LARP1B: variants seen among roughly 807,000 people sequenced by gnomAD.
LARP1B encodes la-related protein 1B.
A neutral mutation model predicts 114.2 loss-of-function variants in LARP1B; 76 were observed. The ratio of observed to expected loss-of-function variants is 0.67; its 90% CI spans 0.55 to 0.81. The LOEUF is 0.81. Among genes scored for constraint, LARP1B ranks in the 30% least tolerant of loss-of-function variants. LARP1B has a pLI of 0.00. For synonymous variants in LARP1B, 345 were observed against 348.0 expected, an observed-to-expected ratio of 0.99 and a Z score of 0.10; for missense variants, 1,014 against 1,075.8, an observed-to-expected ratio of 0.94 and a Z score of 0.80.
intron 5 of LARP1B, among the ~76,000 whole-genome samples, chr4:128,085,683 C>T (rs936601966): frequency 3.9e-5 from 6 of 152,144 alleles, no homozygotes; most frequent in African/African-American, 1.4e-4. Flanking sequence ...CTCTTTATTG[C>T]CAAATAATAT....
In LARP1B at chr4:128,070,245, G is replaced by A. The variant is rs370607269; in HGVS notation, c.-77-4215G>A. 9.2e-5 allele frequency among the ~76,000 whole-genome samples: 14 copies of A among 152,128 alleles called. No individual in the cohort carries two copies. The East Asian group carries it at 1.9e-3, about 21-fold the overall frequency. On this transcript the variant is annotated intron_variant, in intron 1 of 19. Transcript: ENST00000326639. Reference sequence around the variant, plus strand: ...TGAGGCAGCAGAATGGGGTGAAGCCGGGAGGCGGAGCTTGCAGTGAGCAGA... The same window carrying A: ...TGAGGCAGCAGAATGGGGTGAAGCCAGGAGGCGGAGCTTGCAGTGAGCAGA...
intron 11 of LARP1B, among the ~76,000 whole-genome samples, chr4:128,131,870 A>T (rs1791677479): frequency 6.6e-6 from 1 of 152,208 alleles, no homozygotes; most frequent in African/African-American, 2.4e-5. Context: ...ACCATGTTAT[A>T]CCCAAAAGGA....
chr4:128,205,948 C>CA (rs1190583247), intron 17 of LARP1B, among the ~76,000 whole-genome samples: 4 of 152,098 alleles, frequency 2.6e-5, no homozygotes, highest in Admixed American at 1.3e-4. Flanking sequence ...GCTGAGTCAA[C>CA]AAAAATAGCA....
intron 1 of LARP1B, among the ~76,000 whole-genome samples, chr4:128,065,253 ATTTC>A (rs199707342): frequency 0.064 from 5,649 of 88,478 alleles, 184 homozygotes; most frequent in East Asian, 0.073. Flanking sequence ...CCCACAATTA[ATTTC>A]TTTCTTTCTT....
At chr4:128,098,395 T>C (rs1236774220) in intron 8 of LARP1B, 65 bp downstream of exon 8, 27 of 1,389,928 alleles carry the variant, frequency 1.9e-5, no homozygotes, top group Non-Finnish European at 2.6e-5. Context: ...CTAAAACTTC[T>C]CTGAAAAACA....
intron 7 of LARP1B, among the ~76,000 whole-genome samples, chr4:128,095,047 T>A (rs530795150): frequency 2.0e-5 from 3 of 152,286 alleles, no homozygotes; most frequent in Non-Finnish European, 4.4e-5. Flanking sequence ...CACCGTGCCC[T>A]GCATGAAATT....
In LARP1B at chr4:128,107,785, T is replaced by C. The variant is rs1782614108; in HGVS notation, c.988+472T>C. On this transcript the variant is annotated intron_variant, in intron 9 of 19. Transcript: ENST00000326639. Reference sequence around the variant, plus strand: ...TGGGGTTCTGTTTAATTTGGTTGTGTTTAGAATTTCCAAAAGATTTAATGT... The same window carrying C: ...TGGGGTTCTGTTTAATTTGGTTGTGCTTAGAATTTCCAAAAGATTTAATGT... 3 of 1,526,386 alleles carry C rather than the reference T, an allele frequency of 2.0e-6. No homozygotes were observed. In the Admixed American group the frequency reaches 6.0e-5, roughly 31 times the overall value. 94.6% of individuals were successfully genotyped at this position (1,526,386 alleles called of 1,614,324 possible). A position where few individuals can be genotyped will look rare whatever the true frequency, so the allele number is the denominator to read the frequency against.
chr4:128,098,760 TATATATA>T (rs1421947838), intron 8 of LARP1B, among the ~76,000 whole-genome samples: 2 of 37,680 alleles, frequency 5.3e-5, no homozygotes, highest in Admixed American at 3.5e-4. Context: ...TATATATATA[TATATATA>T]TTTTTTTTTT....
At chr4:128,064,009 C>T (rs1761456139) in intron 1 of LARP1B, among the ~76,000 whole-genome samples, 1 of 151,904 alleles carries the variant, frequency 6.6e-6, no homozygotes, top group South Asian at 2.1e-4. Flanking sequence ...CGGTGGCACA[C>T]GCCTGTAATC....
intron 15 of LARP1B, among the ~76,000 whole-genome samples, chr4:128,189,595 TC>T (rs1224991925): frequency 1.3e-5 from 2 of 152,134 alleles, no homozygotes; most frequent in Admixed American, 6.5e-5. Context: ...TTGTAACTCC[TC>T]CCTTACTTCC....
chr4:128,115,720 A>T (rs1212708040), intron 10 of LARP1B, among the ~76,000 whole-genome samples: 1 of 152,178 alleles, frequency 6.6e-6, no homozygotes, highest in Non-Finnish European at 1.5e-5. Context: ...TGTTGCTGCC[A>T]TGTTGGCTCA....
intron 11 of LARP1B, among the ~76,000 whole-genome samples, chr4:128,152,159 T>C (rs1282067845): frequency 1.3e-5 from 2 of 152,038 alleles, no homozygotes; most frequent in African/African-American, 2.4e-5. Flanking sequence ...TTAGCTTCCA[T>C]TGGTGATTTT....
At position 128,084,254 on chromosome 4, in the gene LARP1B, T is replaced by C. The variant is rs535061405; in HGVS notation, c.358+1949T>C. On this transcript the variant is annotated intron_variant, in intron 5 of 19. Coordinates refer to ENST00000326639, the MANE Select transcript of LARP1B (RefSeq NM_018078.4). ...GGGCAGAGGCTGCAATCTCGGCACT[T>C]TGGGAGGCCAAGGCAGGCGGCTGGG... Among the ~76,000 whole-genome samples the C allele has an allele frequency of 1.4e-3, 220 of 152,110 alleles. 2 individuals carry two copies. Among genetic ancestry groups the C allele is most frequent in the African/African-American group, 5.0e-3 (208 of 41,518 alleles).
intron 17 of LARP1B, among the ~76,000 whole-genome samples, chr4:128,203,570 T>C (rs1465838220): frequency 6.6e-6 from 1 of 152,136 alleles, no homozygotes; most frequent in East Asian, 1.9e-4. Context: ...AATGGGGTTT[T>C]ACCATATTGG....
At chr4:128,069,132 G>C in intron 1 of LARP1B, 1 of 1,089,726 alleles carries the variant, frequency 9.2e-7, no homozygotes, top group Non-Finnish European at 1.4e-6. Flanking sequence ...TCGGCCTGCA[G>C]ATGGCAGCCC....
chr4:128,085,087 C>T (rs1049137698), intron 5 of LARP1B, among the ~76,000 whole-genome samples: 6 of 152,232 alleles, frequency 3.9e-5, no homozygotes, highest in Admixed American at 3.9e-4. Context: ...TGGGCTCGAA[C>T]TCTTGACCTC....
intron 15 of LARP1B, 92 bp from the exon 16 acceptor site, chr4:128,199,347 A>C: frequency 1.0e-6 from 1 of 978,762 alleles, no homozygotes; most frequent in Non-Finnish European, 1.4e-6. Context: ...CACTGCTTAG[A>C]CCCCCAATAA....
chr4:128,118,082 A>ATTTTTTTTT (rs34699544), intron 10 of LARP1B, among the ~76,000 whole-genome samples: 2 of 76,736 alleles, frequency 2.6e-5, no homozygotes, highest in Non-Finnish European at 2.3e-5. Context: ...GGCCCGGCTA[A>ATTTTTTTTT]TTTTTTTTTT....
At chr4:128,156,863 T>TAAAAAAAA (rs56753518) in intron 11 of LARP1B, among the ~76,000 whole-genome samples, 2 of 80,766 alleles carry the variant, frequency 2.5e-5, no homozygotes, top group Non-Finnish European at 2.3e-5. Context: ...GGCTTGAAGC[T>TAAAAAAAA]AAAAAAAAAA....
Sources: allele counts gnomAD v4.1 joint callset (sites outside exome capture counted in the v4.1 genomes callset), GRCh38; gene constraint gnomAD v4.1.1; transcripts MANE v1.5; gene names NCBI Gene and HGNC (gene_info 2026-07-23, HGNC 2026-07-21).